Variants in ABTB2 observed in about 807,000 individuals in gnomAD.
ABTB2 encodes the protein ankyrin repeat and BTB domain containing 2.
In ABTB2, 56 loss-of-function variants were observed where a neutral mutation model predicts 104.1. That is an observed-to-expected ratio of 0.54 (90% CI 0.43 to 0.67). The LOEUF (loss-of-function observed/expected upper bound fraction) is 0.67. ABTB2 is among the 30% of genes least tolerant of loss of function. The probability of loss-of-function intolerance (pLI) is 0.00; values close to 1 mark genes in which losing one functional copy is unlikely to be tolerated. For missense variants in ABTB2, 1,279 were observed against 1,407.7 expected, an observed-to-expected ratio of 0.91 and a Z score of 1.46; for synonymous variants, 606 against 608.2, an observed-to-expected ratio of 1.00 and a Z score of 0.05.
rs188702898 is a variant in ABTB2, at chr11:34,272,717, A to C, written c.884-68027T>G. The stretch of plus-strand genomic sequence containing the variant: ...GTAAGACTCCGTCTCAAAAAAAAAA[A>C]AAAAAAAAAAAAAACCAACCAACCA... On this transcript the variant is annotated intron_variant, in intron 1 of 16. Transcript: ENST00000435224. 3.9e-3 allele frequency among the ~76,000 whole-genome samples: 580 copies of C among 149,224 alleles called. 9 individuals carry two copies. Among genetic ancestry groups the C allele is most frequent in the African/African-American group, 0.014 (557 of 40,184 alleles).
At chr11:34,176,512 C>G (rs1852962967) in intron 3 of ABTB2, among the ~76,000 whole-genome samples, 1 of 152,142 alleles carries the variant, frequency 6.6e-6, no homozygotes, top group Admixed American at 6.5e-5. Context: ...CCTGCTGGCA[C>G]ACGCCTGTAG....
At chr11:34,351,943 T>A (rs915163849) in intron 1 of ABTB2, among the ~76,000 whole-genome samples, 21 of 149,874 alleles carry the variant, frequency 1.4e-4, no homozygotes, top group Non-Finnish European at 2.2e-4. Flanking sequence ...GAAAAAAAAA[T>A]TTTTCATTTC....
rs185114201 is a variant in ABTB2 at position 34,271,709 on chromosome 11, G to A, written c.884-67019C>T. Among the ~76,000 whole-genome samples the A allele has an allele frequency of 4.3e-3, 661 of 152,172 alleles. 6 individuals are homozygous for A. Among genetic ancestry groups the A allele is most frequent in the African/African-American group, 0.015 (639 of 41,482 alleles). On this transcript the variant is annotated intron_variant, in intron 1 of 16. Coordinates refer to ENST00000435224, the MANE Select transcript of ABTB2 (RefSeq NM_145804.3). ...GATTGTGCCACTGCACTCCAGCTTAGGCGACAGAGTGAGACCCTATCTCAA... is the reference window on the plus strand; with the variant it reads ...GATTGTGCCACTGCACTCCAGCTTAAGCGACAGAGTGAGACCCTATCTCAA...
chr11:34,162,054 C>T (rs989709477), intron 10 of ABTB2, among the ~76,000 whole-genome samples: 2 of 152,222 alleles, frequency 1.3e-5, no homozygotes, highest in African/African-American at 4.8e-5. Context: ...ATCATTAGCA[C>T]CAAAGCCACA....
intron 1 of ABTB2, among the ~76,000 whole-genome samples, chr11:34,342,382 T>G (rs992938642): frequency 1.3e-5 from 2 of 152,212 alleles, no homozygotes; most frequent in Admixed American, 6.5e-5. Flanking sequence ...CAGTTCCTCT[T>G]GTCCTCTTGG....
chr11:34,318,150 G>A (rs544261781), intron 1 of ABTB2, among the ~76,000 whole-genome samples: 2 of 152,164 alleles, frequency 1.3e-5, no homozygotes, highest in Non-Finnish European at 2.9e-5. Flanking sequence ...TGCATTTTTA[G>A]TAGAGACAAG....
chr11:34,190,622 C>G (rs1043432914), intron 3 of ABTB2, among the ~76,000 whole-genome samples: 1 of 152,118 alleles, frequency 6.6e-6, no homozygotes, highest in Non-Finnish European at 1.5e-5. Context: ...CTATAACGCT[C>G]GCTATAACTA....
intron 2 of ABTB2, among the ~76,000 whole-genome samples, chr11:34,199,744 T>C (rs1340783014): frequency 1.3e-5 from 2 of 152,118 alleles, no homozygotes; most frequent in African/African-American, 4.8e-5. Context: ...TTCTCATCTG[T>C]AAAATGGGAA....
rs145836133 is a variant in ABTB2, at chr11:34,191,258, G to A, written c.1244+6067C>T. The stretch of plus-strand genomic sequence containing the variant: ...CATTCCAGCCTGGGTGACAGAGTGA[G>A]CCAGTCTCTTAAAGAGAAAAAAAGC... On this transcript the variant is annotated intron_variant, in intron 3 of 16. Coordinates refer to ENST00000435224, the MANE Select transcript of ABTB2 (RefSeq NM_145804.3). Among the ~76,000 whole-genome samples, 703 of 152,302 alleles carry A rather than the reference G, an allele frequency of 4.6e-3. 5 individuals carry two copies. The highest frequency in any genetic ancestry group is 0.016 in the African/African-American group (674 of 41,556).
chr11:34,243,417 G>A (rs145096236), intron 1 of ABTB2, among the ~76,000 whole-genome samples: 4 of 152,142 alleles, frequency 2.6e-5, no homozygotes, highest in East Asian at 1.9e-4. Flanking sequence ...GATTACAGGC[G>A]TGAGCCACCA....
chr11:34,155,883 C>T (rs1002597409), intron 14 of ABTB2, among the ~76,000 whole-genome samples: 13 of 152,250 alleles, frequency 8.5e-5, no homozygotes, highest in Admixed American at 2.6e-4. Context: ...GTGCCTTGGG[C>T]AGGCCATGCC....
intron 1 of ABTB2, among the ~76,000 whole-genome samples, chr11:34,229,374 G>A (rs1248940639): frequency 6.0e-5 from 9 of 151,252 alleles, no homozygotes; most frequent in African/African-American, 1.2e-4. Flanking sequence ...CCAGCTACTC[G>A]GGAGGCTAAG....
intron 1 of ABTB2, among the ~76,000 whole-genome samples, chr11:34,235,876 A>G (rs1391363805): frequency 6.6e-6 from 1 of 152,242 alleles, no homozygotes; most frequent in East Asian, 1.9e-4. Flanking sequence ...AAGGCAGAGC[A>G]GAGCCTGTTC....
At chr11:34,344,869 T>C (rs1253966371) in intron 1 of ABTB2, among the ~76,000 whole-genome samples, 2 of 152,164 alleles carry the variant, frequency 1.3e-5, no homozygotes, top group East Asian at 3.9e-4. Flanking sequence ...GGTGCAGTCC[T>C]GCTTCTTCCA....
At chr11:34,208,827 C>T (rs1853440469) in intron 1 of ABTB2, among the ~76,000 whole-genome samples, 1 of 152,030 alleles carries the variant, frequency 6.6e-6, no homozygotes, top group Non-Finnish European at 1.5e-5. Flanking sequence ...GCTTTTACCA[C>T]CAACATATCT....
chr11:34,230,555 C>T (rs564168873), intron 1 of ABTB2, among the ~76,000 whole-genome samples: 2 of 152,230 alleles, frequency 1.3e-5, no homozygotes, highest in Admixed American at 6.5e-5. Context: ...GGTAAGTTGA[C>T]GATGGGGAGA....
At chr11:34,278,670 C>A (rs1854413877) in intron 1 of ABTB2, among the ~76,000 whole-genome samples, 1 of 152,176 alleles carries the variant, frequency 6.6e-6, no homozygotes, top group African/African-American at 2.4e-5. Flanking sequence ...CCTAACTTCC[C>A]ACAGTCCCCT....
At chr11:34,299,468 G>A (rs1216220919) in intron 1 of ABTB2, among the ~76,000 whole-genome samples, 8 of 152,194 alleles carry the variant, frequency 5.3e-5, no homozygotes, top group Non-Finnish European at 1.2e-4. Context: ...AGCCACGGTA[G>A]TATACTCCTC....
intron 9 of ABTB2, among the ~76,000 whole-genome samples, chr11:34,163,149 C>T (rs1852747399): frequency 6.6e-6 from 1 of 152,318 alleles, no homozygotes; most frequent in African/African-American, 2.4e-5. Context: ...GGATATATTA[C>T]AGGGTGTCAC....
Sources: gnomAD v4.1 joint callset for allele counts (sites outside exome capture counted in the v4.1 genomes callset) on GRCh38, gnomAD v4.1.1 for gene constraint, MANE v1.5 for transcripts, NCBI Gene and HGNC (gene_info 2026-07-23, HGNC 2026-07-21) for gene names.